Variants in EDA observed in about 807,000 individuals in gnomAD.
EDA encodes ectodysplasin A, also known as ectodysplasin-A.
In EDA, 2 loss-of-function variants were observed where a neutral mutation model predicts 23.6. The observed-to-expected ratio is 0.08, with a 90% CI of 0.03 to 0.27. The LOEUF (loss-of-function observed/expected upper bound fraction) is 0.27, where lower values mean the gene tolerates loss of function less well. Among genes scored for constraint, EDA ranks in the 10% least tolerant of loss-of-function variants. EDA has a pLI of 1.00. For synonymous variants in EDA, 131 were observed against 132.0 expected (o/e 0.99, Z 0.05); for missense variants, 229 against 324.2 (o/e 0.71, Z 2.26).
At chrX:69,967,727 T>A (rs1569388511) in intron 2 of EDA, among the ~76,000 whole-genome samples, 1 of 112,042 alleles carries the variant, frequency 8.9e-6, no homozygotes, top group Non-Finnish European at 1.9e-5. Context: ...AATGATATCA[T>A]CAGGACTTTC....
chrX:69,828,669 G>A (rs748626586), intron 1 of EDA, among the ~76,000 whole-genome samples: 9 of 112,276 alleles, frequency 8.0e-5, no homozygotes, highest in Middle Eastern at 4.6e-3. Context: ...CTTCTGCGTC[G>A]CTCACGCTGG....
intron 1 of EDA, among the ~76,000 whole-genome samples, chrX:69,632,471 A>G (rs1740946769): frequency 8.9e-6 from 1 of 111,966 alleles, no homozygotes; most frequent in Non-Finnish European, 1.9e-5. Flanking sequence ...AGAATAACCA[A>G]TTACAGCCAC....
intron 1 of EDA, among the ~76,000 whole-genome samples, chrX:69,870,595 C>T (rs1435814463): frequency 9.0e-6 from 1 of 110,843 alleles, no homozygotes; most frequent in Non-Finnish European, 1.9e-5. Flanking sequence ...AGGGAGGGGA[C>T]GTTGCCACTA....
At chrX:69,977,363 G>A (rs1242077544) in intron 2 of EDA, among the ~76,000 whole-genome samples, 1 of 111,434 alleles carries the variant, frequency 9.0e-6, no homozygotes, top group Non-Finnish European at 1.9e-5. Flanking sequence ...TTCTTTTTTG[G>A]TCACATGTTC....
At chrX:69,661,133 A>T (rs1238376167) in intron 1 of EDA, among the ~76,000 whole-genome samples, 2 of 109,440 alleles carry the variant, frequency 1.8e-5, no homozygotes, top group Admixed American at 2.0e-4. Context: ...TTTTGGCTGC[A>T]TAAATGTCTT....
chrX:69,724,154 C>G (rs2012700127), intron 1 of EDA, among the ~76,000 whole-genome samples: 1 of 111,733 alleles, frequency 8.9e-6, no homozygotes, highest in African/African-American at 3.3e-5. Flanking sequence ...GAATTGATTA[C>G]TAGGTTTGGT....
intron 1 of EDA, among the ~76,000 whole-genome samples, chrX:69,631,095 T>C (rs1252611513): frequency 8.9e-6 from 1 of 111,746 alleles, no homozygotes; most frequent in Non-Finnish European, 1.9e-5. Flanking sequence ...GAATTCCTGA[T>C]GCTGGCCAGG....
At chrX:69,682,796 C>T (rs1602291367) in intron 1 of EDA, among the ~76,000 whole-genome samples, 1 of 111,609 alleles carries the variant, frequency 9.0e-6, no homozygotes, top group African/African-American at 3.3e-5. Context: ...CTCACTCTCC[C>T]TGGGAGCTGT....
chrX:69,973,282 C>T (rs1292455932), intron 2 of EDA, among the ~76,000 whole-genome samples: 6 of 111,463 alleles, frequency 5.4e-5, no homozygotes, highest in Middle Eastern at 4.7e-3. Flanking sequence ...AGACAAGGAT[C>T]TTGTGGGAAG....
intron 1 of EDA, among the ~76,000 whole-genome samples, chrX:69,900,778 C>G (rs2018087540): frequency 9.0e-6 from 1 of 111,248 alleles, no homozygotes; most frequent in Non-Finnish European, 1.9e-5. Flanking sequence ...TGAGTATTCA[C>G]TGGAGATCTG....
At chrX:70,008,109 C>T (rs1754707801) in intron 2 of EDA, among the ~76,000 whole-genome samples, 1 of 111,824 alleles carries the variant, frequency 8.9e-6, no homozygotes, top group Non-Finnish European at 1.9e-5. Context: ...CTCTTATTTC[C>T]TGTTCTTGCC....
At chrX:69,681,071 T>C (rs1934327745) in intron 1 of EDA, among the ~76,000 whole-genome samples, 1 of 110,407 alleles carries the variant, frequency 9.1e-6, no homozygotes, top group African/African-American at 3.3e-5. Flanking sequence ...TATTTCTCCT[T>C]CACTTATGAA....
intron 1 of EDA, among the ~76,000 whole-genome samples, chrX:69,903,733 A>T (rs1284519346): frequency 2.7e-5 from 3 of 110,677 alleles, no homozygotes; most frequent in South Asian, 3.8e-4. Flanking sequence ...TTAAATTTTT[A>T]AAAATTTTTT....
intron 1 of EDA, among the ~76,000 whole-genome samples, chrX:69,641,008 C>T (rs1467777151): frequency 5.4e-5 from 6 of 111,766 alleles, no homozygotes; most frequent in Non-Finnish European, 9.4e-5. Flanking sequence ...TATCTTGACT[C>T]CAAAGCCTGG....
At chrX:69,664,321 T>A (rs951889386) in intron 1 of EDA, among the ~76,000 whole-genome samples, 2 of 111,355 alleles carry the variant, frequency 1.8e-5, no homozygotes, top group Non-Finnish European at 3.8e-5. Flanking sequence ...GTTCTCTTGA[T>A]AGTAAGTGAG....
intron 1 of EDA, among the ~76,000 whole-genome samples, chrX:69,934,949 T>G (rs1346825036): frequency 9.0e-6 from 1 of 111,060 alleles, no homozygotes; most frequent in Non-Finnish European, 1.9e-5. Context: ...CCCCACCCAT[T>G]ACTACCCTTC....
chrX:69,684,859 A>G (rs1359054105), intron 1 of EDA, among the ~76,000 whole-genome samples: 1 of 112,411 alleles, frequency 8.9e-6, no homozygotes, highest in Non-Finnish European at 1.9e-5. Context: ...GTGGCCTGGA[A>G]TTTTATTAGA....
Position 69,851,157 on chromosome X carries a change from TTGTGTGTGTGTGTG to T in EDA, c.397-105857_397-105844del, listed in dbSNP as rs57593985. Among the ~76,000 whole-genome samples, 1,049 of 101,902 alleles carry T rather than the reference TTGTGTGTGTGTGTG, an allele frequency of 0.01. 12 individuals are homozygous for T. The South Asian group carries it at 0.15, about 15-fold the overall frequency. 88.5% of individuals were successfully genotyped at this position (101,902 alleles called of 115,157 possible). On this transcript the variant is annotated intron_variant, in intron 1 of 7. Transcript: ENST00000374552. ...ACGTCACAAAATCTAGATCAAGGGT[TTGTGTGTGTGTGTG>T]TGTGTGTGTGTGCACGTGTGTGTAT...
rs1424877965 is a variant in EDA at position 69,883,035 on chromosome X, T to C, written c.397-73992T>C. Among the ~76,000 whole-genome samples, 3 of 112,151 alleles carry C rather than the reference T, an allele frequency of 2.7e-5. No homozygotes were observed. The East Asian group carries it at 8.4e-4, about 31-fold the overall frequency. Reference sequence around the variant, plus strand: ...GTAACTACCTTTAATGCCAGAAATATAAAATGTGATGCTGTTAAGTCAAAG... The same window carrying C: ...GTAACTACCTTTAATGCCAGAAATACAAAATGTGATGCTGTTAAGTCAAAG... On this transcript the variant is annotated intron_variant, in intron 1 of 7. Coordinates refer to ENST00000374552, the MANE Select transcript of EDA (RefSeq NM_001399.5).
Sources: allele counts gnomAD v4.1 joint callset (sites outside exome capture counted in the v4.1 genomes callset), GRCh38; gene constraint gnomAD v4.1.1; transcripts MANE v1.5; gene names NCBI Gene and HGNC (gene_info 2026-07-23, HGNC 2026-07-21).